SLC8A1: variants seen among roughly 807,000 people sequenced by gnomAD.
The protein encoded by SLC8A1 is sodium/calcium exchanger 1.
A neutral mutation model predicts 68.3 loss-of-function variants in SLC8A1; 18 were observed. The ratio of observed to expected loss-of-function variants is 0.26; its 90% CI spans 0.18 to 0.39. The LOEUF (loss-of-function observed/expected upper bound fraction) is 0.39. Ranked by LOEUF, SLC8A1 falls within the 10% of genes least tolerant of loss-of-function variation. SLC8A1 has a pLI of 1.00. For missense variants in SLC8A1, 985 were observed against 1,156.7 expected, an observed-to-expected ratio of 0.85 and a Z score of 2.15; for synonymous variants, 475 against 415.5, an observed-to-expected ratio of 1.14 and a Z score of -1.74.
chr2:40,478,203 C>T (rs1704408304), intron 1 of SLC8A1, among the ~76,000 whole-genome samples: 2 of 148,848 alleles, frequency 1.3e-5, no homozygotes. Flanking sequence ...TTGATATCTC[C>T]ACACAAGCTG....
intron 2 of SLC8A1, among the ~76,000 whole-genome samples, chr2:40,381,395 G>C (rs945867663): frequency 1.3e-5 from 2 of 151,972 alleles, no homozygotes; most frequent in African/African-American, 2.4e-5. Flanking sequence ...GTATCTTAGA[G>C]ATTCCTGTGG....
chr2:40,366,863 A>G (rs1288598690), intron 2 of SLC8A1, among the ~76,000 whole-genome samples: 1 of 152,022 alleles, frequency 6.6e-6, no homozygotes, highest in Admixed American at 6.6e-5. Flanking sequence ...TTTAAAAAAG[A>G]GAATGTGGCA....
At chr2:40,143,115 C>G (rs931733585) in intron 6 of SLC8A1, among the ~76,000 whole-genome samples, 3 of 152,148 alleles carry the variant, frequency 2.0e-5, no homozygotes, top group Non-Finnish European at 4.4e-5. Flanking sequence ...ATCCTTTTCT[C>G]TGGGATCTCA....
upstream of SLC8A1, chr2:40,453,105 G>A (rs979285493): frequency 1.3e-5 from 2 of 152,128 alleles, no homozygotes; most frequent in African/African-American, 4.8e-5. Flanking sequence ...GTGGTGAAAG[G>A]CTAGACCTAC....
intron 2 of SLC8A1, chr2:40,208,952 TAGTAATTATTTACAAATTC>T (rs1455101757): frequency 1.3e-5 from 2 of 152,258 alleles, no homozygotes; most frequent in Non-Finnish European, 2.9e-5. Flanking sequence ...ATCATTCATT[TAGTAATTATTTACAAATTC>T]AGTAATTATT....
chr2:40,220,406 A>T (rs1273212165), intron 2 of SLC8A1: 1 of 152,198 alleles, frequency 6.6e-6, no homozygotes. Context: ...TTTAAGCTCA[A>T]TGCTTAGCCA....
intron 2 of SLC8A1, among the ~76,000 whole-genome samples, chr2:40,182,929 G>C (rs1302004454): frequency 1.3e-5 from 2 of 152,190 alleles, no homozygotes; most frequent in African/African-American, 2.4e-5. Context: ...TTAAAGAGAA[G>C]AGACTCCTCC....
At chr2:40,313,866 A>G (rs910280495) in intron 2 of SLC8A1, among the ~76,000 whole-genome samples, 1 of 151,950 alleles carries the variant, frequency 6.6e-6, no homozygotes, top group South Asian at 2.1e-4. Context: ...TATTTGACCA[A>G]TTTTTTGCTG....
chr2:40,385,859 A>G (rs1313065485), intron 2 of SLC8A1, among the ~76,000 whole-genome samples: 3 of 150,968 alleles, frequency 2.0e-5, no homozygotes, highest in African/African-American at 7.4e-5. Context: ...ATGTCCAAAT[A>G]AAAAAAAGTA....
chr2:40,170,995 C>T (rs2047391773), intron 4 of SLC8A1, among the ~76,000 whole-genome samples: 1 of 152,096 alleles, frequency 6.6e-6, no homozygotes. Flanking sequence ...TTAACCTAGG[C>T]CTAGGGGGTT....
At position 40,139,326 on chromosome 2, in the gene SLC8A1, T is replaced by C. The variant is rs577951705; in HGVS notation, c.2437+75A>G. 81 of 1,534,008 alleles carry C rather than the reference T, an allele frequency of 5.3e-5. No homozygotes were observed. In the East Asian group the frequency reaches 1.8e-3, roughly 34 times the overall value. On this transcript the variant is annotated intron_variant, in intron 7 of 7. Transcript: ENST00000406785. ...TGGTTTGTTATCACAGCCCTTGAAATTGTAGGAAAGAAAGTGTCAAGAAGG... is the reference window on the plus strand; with the variant it reads ...TGGTTTGTTATCACAGCCCTTGAAACTGTAGGAAAGAAAGTGTCAAGAAGG...
At chr2:40,287,771 G>C (rs1259287744) in intron 2 of SLC8A1, among the ~76,000 whole-genome samples, 1 of 151,886 alleles carries the variant, frequency 6.6e-6, no homozygotes, top group East Asian at 1.9e-4. Flanking sequence ...ATAATGAAGA[G>C]ACATCCTGGT....
rs537635050 is a variant in SLC8A1, at chr2:40,349,813, A to C, written c.1808+78660T>G. Among the ~76,000 whole-genome samples the C allele has an allele frequency of 6.7e-4, 102 of 152,318 alleles. 1 individual carries two copies. The highest frequency in any genetic ancestry group is 1.5e-3 in the South Asian group (7 of 4,824). Reference sequence around the variant, plus strand: ...ATTAGAATTATACATAATTCTGAAAAACTTAAGATTAATTCACAAATCAAA... The same window carrying C: ...ATTAGAATTATACATAATTCTGAAACACTTAAGATTAATTCACAAATCAAA... On this transcript the variant is annotated intron_variant, in intron 2 of 7. Transcript: ENST00000406785.
At chr2:40,370,931 A>G (rs1384959575) in intron 2 of SLC8A1, among the ~76,000 whole-genome samples, 7 of 152,086 alleles carry the variant, frequency 4.6e-5, no homozygotes, top group Non-Finnish European at 8.8e-5. Context: ...ATTTAGCATG[A>G]CTTAGTACAC....
chr2:40,402,748 T>C (rs2149664231), intron 2 of SLC8A1, among the ~76,000 whole-genome samples: 1 of 152,312 alleles, frequency 6.6e-6, no homozygotes, highest in Non-Finnish European at 1.5e-5. Flanking sequence ...CACCCAATCT[T>C]GTTTTCCATC....
At chr2:40,408,909 T>C (rs1007534145) in intron 2 of SLC8A1, among the ~76,000 whole-genome samples, 9 of 151,210 alleles carry the variant, frequency 6.0e-5, no homozygotes, top group Non-Finnish European at 1.0e-4. Context: ...ATAAGAACCA[T>C]AGAAAAATGG....
At chr2:40,455,310 A>C (rs917420813), upstream of SLC8A1, among the ~76,000 whole-genome samples, 1 of 152,206 alleles carries the variant, frequency 6.6e-6, no homozygotes, top group African/African-American at 2.4e-5. Context: ...TAAAGCACTC[A>C]ATATGTTTTC....
rs13033538 is a variant in SLC8A1, at chr2:40,158,993, G to C, written c.2161+1772C>G. On this transcript the variant is annotated intron_variant, in intron 6 of 7. Transcript: ENST00000406785. The stretch of plus-strand genomic sequence containing the variant: ...CTGTTTAAAGCTGCCCTTTTCTATT[G>C]CTATAGACTGGTCATAAAATGTTTC... 1.2e-3 allele frequency among the ~76,000 whole-genome samples: 181 copies of C among 152,116 alleles called. 1 individual carries two copies. The highest frequency in any genetic ancestry group is 1.7e-3 in the Non-Finnish European group (113 of 67,976).
At chr2:40,452,215 C>G (rs1345779465), upstream of SLC8A1, 3 of 149,092 alleles carry the variant, frequency 2.0e-5, no homozygotes, top group Non-Finnish European at 4.5e-5. Flanking sequence ...CCGCCCGCAG[C>G]CTCGCACTCG....
Sources: gnomAD v4.1 joint callset for allele counts (sites outside exome capture counted in the v4.1 genomes callset) on GRCh38, gnomAD v4.1.1 for gene constraint, MANE v1.5 for transcripts, NCBI Gene and HGNC (gene_info 2026-07-23, HGNC 2026-07-21) for gene names.